Variants in CAB39L observed in about 807,000 individuals in gnomAD.
The protein encoded by CAB39L is calcium binding protein 39 like.
A neutral mutation model predicts 39.1 loss-of-function variants in CAB39L; 23 were observed. That is an observed-to-expected ratio of 0.59 (90% confidence interval 0.42 to 0.83). CAB39L has a LOEUF of 0.83. Among genes scored for constraint, CAB39L ranks in the 40% least tolerant of loss-of-function variants. CAB39L has a pLI of 0.00. For synonymous variants in CAB39L, 126 were observed against 137.2 expected (o/e 0.92, Z 0.57); for missense variants, 366 against 391.9 (o/e 0.93, Z 0.56).
intron 3 of CAB39L, among the ~76,000 whole-genome samples, chr13:49,426,679 C>A (rs1175850890): frequency 2.0e-5 from 3 of 152,154 alleles, no homozygotes; most frequent in African/African-American, 7.2e-5. Flanking sequence ...CCTGCCTCGG[C>A]CTCCCAAAGT....
chr13:49,408,280 T>C (rs1956923484), intron 3 of CAB39L, among the ~76,000 whole-genome samples: 1 of 152,116 alleles, frequency 6.6e-6, no homozygotes, highest in Admixed American at 6.5e-5. Context: ...GGTTATACCT[T>C]TAAAACATAT....
intron 3 of CAB39L, among the ~76,000 whole-genome samples, chr13:49,411,931 G>C (rs570978745): frequency 1.0e-3 from 155 of 152,286 alleles, no homozygotes; most frequent in Admixed American, 2.2e-3. Flanking sequence ...AAGTGAAAAT[G>C]CTATGTAAAC....
At chr13:49,427,137 A>G (rs1382474278) in intron 3 of CAB39L, among the ~76,000 whole-genome samples, 1 of 152,124 alleles carries the variant, frequency 6.6e-6, no homozygotes, top group Non-Finnish European at 1.5e-5. Context: ...CATTATGTGC[A>G]TTCTAGTTTC....
At chr13:49,361,640 A>C (rs1384164676) in intron 5 of CAB39L, among the ~76,000 whole-genome samples, 1 of 152,168 alleles carries the variant, frequency 6.6e-6, no homozygotes, top group African/African-American at 2.4e-5. Context: ...TTCCAGTCTC[A>C]TCAGCTAACT....
In CAB39L at chr13:49,359,671, T is replaced by G. The variant is rs368881362; in HGVS notation, c.395+43A>C. On this transcript the variant is annotated intron_variant, in intron 6 of 10. Transcript: ENST00000409308. ...ACTAATGCTATGCACTTTTAACAAC[T>G]ATTAAAAACTTAGCCCTACTTGAAA... The G allele has an allele frequency of 7.9e-6, 8 of 1,006,860 alleles. No individual in the cohort carries two copies. In the East Asian group the frequency reaches 1.9e-4, roughly 24 times the overall value. The allele number at this position is 1,006,860 out of a possible 1,614,324, so 62.4% of individuals were successfully genotyped here.
chr13:49,362,687 A>G (rs1253092933), intron 5 of CAB39L, among the ~76,000 whole-genome samples: 5 of 152,144 alleles, frequency 3.3e-5, no homozygotes, highest in African/African-American at 2.4e-5. Flanking sequence ...ACTTACTCTA[A>G]GAGATAATAT....
At chr13:49,387,212 A>C (rs1209200155) in intron 3 of CAB39L, among the ~76,000 whole-genome samples, 1 of 152,204 alleles carries the variant, frequency 6.6e-6, no homozygotes, top group Non-Finnish European at 1.5e-5. Context: ...CTGAGTCTTT[A>C]ACCCCCAGTA....
At chr13:49,416,845 TGAG>T (rs1488478607) in intron 3 of CAB39L, among the ~76,000 whole-genome samples, 1 of 152,140 alleles carries the variant, frequency 6.6e-6, no homozygotes, top group Non-Finnish European at 1.5e-5. Context: ...ATGTGCCTAC[TGAG>T]GAGGAAAAAC....
At chr13:49,379,883 C>T (rs190830987) in intron 4 of CAB39L, among the ~76,000 whole-genome samples, 1,574 of 150,946 alleles carry the variant, frequency 0.01, 11 homozygotes, top group South Asian at 0.036. Context: ...GCTCTGTTGC[C>T]CAGGCTGGAG....
At chr13:49,364,275 A>C (rs1045954577) in intron 5 of CAB39L, among the ~76,000 whole-genome samples, 1 of 152,212 alleles carries the variant, frequency 6.6e-6, no homozygotes, top group African/African-American at 2.4e-5. Flanking sequence ...TCAACATAAT[A>C]TTGGAAGTCT....
chr13:49,429,065 A>G (rs1361668296), intron 3 of CAB39L, among the ~76,000 whole-genome samples: 1 of 152,256 alleles, frequency 6.6e-6, no homozygotes, highest in Non-Finnish European at 1.5e-5. Flanking sequence ...CAGACTGTTC[A>G]TATGTATTCT....
At position 49,310,152 on chromosome 13, in the gene CAB39L, C is replaced by G. The variant is rs942036372; in HGVS notation, c.*662G>C. 5.2e-5 allele frequency: 8 copies of G among 152,606 alleles called. No homozygotes were observed. Among genetic ancestry groups the G allele is most frequent in the African/African-American group, 1.9e-4 (8 of 41,460 alleles). 9.5% of individuals were successfully genotyped at this position (152,606 alleles called of 1,614,324 possible). ...CCCGTGACCCTTGTTGATCCATCCTCTTCCTGCTCAGTTGCTCCCCTGCTC... is the reference window on the plus strand; with the variant it reads ...CCCGTGACCCTTGTTGATCCATCCTGTTCCTGCTCAGTTGCTCCCCTGCTC... On this transcript the variant is annotated 3_prime_UTR_variant, in exon 11 of 11. Transcript: ENST00000409308.
chr13:49,356,450 T>C (rs1433744101), intron 6 of CAB39L, among the ~76,000 whole-genome samples: 2 of 152,166 alleles, frequency 1.3e-5, no homozygotes, highest in Non-Finnish European at 2.9e-5. Flanking sequence ...GACAAATTCA[T>C]TTAGAGTGAG....
At chr13:49,433,826 C>G (rs1479134124) in intron 2 of CAB39L, among the ~76,000 whole-genome samples, 2 of 152,152 alleles carry the variant, frequency 1.3e-5, no homozygotes, top group Admixed American at 6.5e-5. Context: ...AATTTTAGCT[C>G]TTTCATATTT....
At chr13:49,377,737 C>T (rs1245565196) in intron 4 of CAB39L, among the ~76,000 whole-genome samples, 1 of 82,978 alleles carries the variant, frequency 1.2e-5, no homozygotes, top group Non-Finnish European at 2.4e-5. Flanking sequence ...GATCTCGGCT[C>T]ACTACAACCT....
chr13:49,353,462 C>A (rs1344684350), intron 6 of CAB39L, among the ~76,000 whole-genome samples: 1 of 152,076 alleles, frequency 6.6e-6, no homozygotes, highest in African/African-American at 2.4e-5. Flanking sequence ...TTGGCCCTAA[C>A]CTTAACTTTT....
chr13:49,332,896 T>C (rs1050808023), intron 9 of CAB39L, among the ~76,000 whole-genome samples: 3 of 151,834 alleles, frequency 2.0e-5, no homozygotes, highest in Non-Finnish European at 2.9e-5. Context: ...ATATAGAAGA[T>C]ATGTTTAGTT....
At chr13:49,350,723 G>A (rs1955320610) in intron 7 of CAB39L, 21 bp downstream of exon 7, 2 of 1,511,166 alleles carry the variant, frequency 1.3e-6, no homozygotes, top group African/African-American at 1.4e-5. Flanking sequence ...TGACCTAGCT[G>A]AGTTGGAAAA....
intron 3 of CAB39L, among the ~76,000 whole-genome samples, chr13:49,384,013 C>T (rs1956302466): frequency 6.6e-6 from 1 of 152,112 alleles, no homozygotes; most frequent in African/African-American, 2.4e-5. Context: ...TAAAAGAAGA[C>T]AATAAAGTTT....
Sources: gnomAD v4.1 joint callset for allele counts (sites outside exome capture counted in the v4.1 genomes callset) on GRCh38, gnomAD v4.1.1 for gene constraint, MANE v1.5 for transcripts, NCBI Gene and HGNC (gene_info 2026-07-23, HGNC 2026-07-21) for gene names.